ERC2: variants seen among roughly 807,000 people sequenced by gnomAD.
ERC2 encodes the protein ELKS/RAB6-interacting/CAST family member 2.
Under a neutral mutation model 114.8 loss-of-function variants are expected in ERC2, and 42 were observed. The ratio of observed to expected loss-of-function variants is 0.37; its 90% CI spans 0.29 to 0.47. The LOEUF (loss-of-function observed/expected upper bound fraction) is 0.47, where lower values mean the gene tolerates loss of function less well. Ranked by LOEUF, ERC2 falls within the 20% of genes least tolerant of loss-of-function variation. ERC2 has a pLI of 0.99. For synonymous variants in ERC2, 454 were observed against 425.5 expected, an observed-to-expected ratio of 1.07 and a Z score of -0.82; for missense variants, 939 against 1,150.7, an observed-to-expected ratio of 0.82 and a Z score of 2.66.
chr3:56,274,284 C>T (rs2053848941), intron 3 of ERC2, among the ~76,000 whole-genome samples: 1 of 152,138 alleles, frequency 6.6e-6, no homozygotes, highest in African/African-American at 2.4e-5. Context: ...GGTGAAACAG[C>T]TTCATCTTGA....
At chr3:55,681,998 G>C (rs2062078622) in intron 17 of ERC2, among the ~76,000 whole-genome samples, 1 of 123,868 alleles carries the variant, frequency 8.1e-6, no homozygotes, top group Non-Finnish European at 1.8e-5. Context: ...GCCCCAAGTA[G>C]GATCTACACT....
chr3:56,413,128 C>G (rs572408931), intron 2 of ERC2, among the ~76,000 whole-genome samples: 4 of 152,284 alleles, frequency 2.6e-5, no homozygotes, highest in Non-Finnish European at 4.4e-5. Context: ...GACAGGGTCA[C>G]TGTAGTGCAA....
intron 5 of ERC2, among the ~76,000 whole-genome samples, chr3:56,145,605 C>T (rs2081095589): frequency 6.6e-6 from 1 of 152,144 alleles, no homozygotes; most frequent in Non-Finnish European, 1.5e-5. Context: ...CCCAGAGGCT[C>T]AGTTCTCAGA....
chr3:56,421,751 C>T (rs1324057468), intron 2 of ERC2, among the ~76,000 whole-genome samples: 1 of 152,144 alleles, frequency 6.6e-6, no homozygotes, highest in East Asian at 1.9e-4. Context: ...CCCCGATTCC[C>T]GCTCCATGTG....
At chr3:55,567,867 C>G (rs1391573895) in intron 17 of ERC2, among the ~76,000 whole-genome samples, 2 of 152,062 alleles carry the variant, frequency 1.3e-5, no homozygotes, top group Non-Finnish European at 2.9e-5. Context: ...AATTTCCTTC[C>G]GGCCTTTTCT....
chr3:55,581,510 G>T (rs2057259728), intron 17 of ERC2, among the ~76,000 whole-genome samples: 1 of 152,070 alleles, frequency 6.6e-6, no homozygotes, highest in Admixed American at 6.5e-5. Flanking sequence ...AGAGTGGCAG[G>T]GTTTATGGAG....
At chr3:56,446,700 A>G (rs1469069558) in intron 1 of ERC2, among the ~76,000 whole-genome samples, 1 of 131,806 alleles carries the variant, frequency 7.6e-6, no homozygotes, top group Admixed American at 9.6e-5. Context: ...ATCTCGGCTC[A>G]CTGCACCCTC....
chr3:55,536,002 A>G (rs2053977875), intron 17 of ERC2, among the ~76,000 whole-genome samples: 1 of 152,158 alleles, frequency 6.6e-6, no homozygotes, highest in African/African-American at 2.4e-5. Flanking sequence ...TCCATCTCAA[A>G]AACAAAACAA....
chr3:56,348,956 GAAA>G (rs1560643242), intron 2 of ERC2, among the ~76,000 whole-genome samples: 5 of 134,432 alleles, frequency 3.7e-5, no homozygotes, highest in African/African-American at 5.9e-5. Flanking sequence ...AGGAAGGAAG[GAAA>G]GAAAGAAAGA....
chr3:55,567,541 C>T (rs761740927), intron 17 of ERC2, among the ~76,000 whole-genome samples: 5 of 151,938 alleles, frequency 3.3e-5, no homozygotes, highest in African/African-American at 1.2e-4. Context: ...ATAGAGACTA[C>T]GGTGGAAGCA....
intron 10 of ERC2, among the ~76,000 whole-genome samples, chr3:55,995,788 GT>G (rs2071459926): frequency 6.6e-6 from 1 of 152,170 alleles, no homozygotes; most frequent in African/African-American, 2.4e-5. Flanking sequence ...CAGCATGAAT[GT>G]GTTCTACCAT....
chr3:56,004,994 G>A (rs925451819), intron 10 of ERC2, among the ~76,000 whole-genome samples: 1 of 151,544 alleles, frequency 6.6e-6, no homozygotes, highest in African/African-American at 2.4e-5. Flanking sequence ...GGGTATTTGA[G>A]GTTTTTACGG....
intron 14 of ERC2, among the ~76,000 whole-genome samples, chr3:55,775,577 T>TAAAA (rs1172621457): frequency 1.4e-5 from 2 of 139,720 alleles, no homozygotes; most frequent in Non-Finnish European, 3.1e-5. Context: ...AATAAATAAA[T>TAAAA]AAATAAAAAA....
At chr3:55,767,934 G>A (rs558918944) in intron 14 of ERC2, among the ~76,000 whole-genome samples, 174 of 152,256 alleles carry the variant, frequency 1.1e-3, no homozygotes, top group Admixed American at 2.1e-3. Context: ...GTTGGAGGAG[G>A]GGCCTGGTGG....
At chr3:56,318,083 A>T (rs2056953288) in intron 2 of ERC2, among the ~76,000 whole-genome samples, 1 of 152,204 alleles carries the variant, frequency 6.6e-6, no homozygotes, top group South Asian at 2.1e-4. Context: ...GTGTTTAATA[A>T]ATGTTTTTTG....
chr3:55,835,005 A>G lies in ERC2; in HGVS notation c.2564+53384T>C, dbSNP rs2060805043. On this transcript the variant is annotated intron_variant, in intron 14 of 17. Coordinates refer to ENST00000288221, the MANE Select transcript of ERC2 (RefSeq NM_015576.3). ...AAATAAACTAGAAAATCTAGAAGAA[A>G]TGGATAAATTCCTCGACACATACAC... 2.0e-5 allele frequency among the ~76,000 whole-genome samples: 3 copies of G among 151,758 alleles called. 1 individual carries two copies. Among genetic ancestry groups the G allele is most frequent in the Admixed American group, 2.0e-4 (3 of 15,256 alleles).
chr3:56,039,103 G>A (rs2074981825), intron 7 of ERC2, among the ~76,000 whole-genome samples: 1 of 152,110 alleles, frequency 6.6e-6, no homozygotes, highest in East Asian at 1.9e-4. Context: ...CCACTCACCA[G>A]CCTAATTGCA....
At chr3:55,689,225 C>T (rs1251121782) in intron 16 of ERC2, among the ~76,000 whole-genome samples, 1 of 148,692 alleles carries the variant, frequency 6.7e-6, no homozygotes, top group East Asian at 2.0e-4. Flanking sequence ...TTTTCCTCCA[C>T]TTCTAATATA....
At chr3:55,806,852 T>C (rs1478438117) in intron 14 of ERC2, among the ~76,000 whole-genome samples, 2 of 152,160 alleles carry the variant, frequency 1.3e-5, no homozygotes, top group East Asian at 3.9e-4. Flanking sequence ...TCAGCTTCAG[T>C]GTGTTTATCT....
Sources: gnomAD v4.1 joint callset for allele counts (sites outside exome capture counted in the v4.1 genomes callset) on GRCh38, gnomAD v4.1.1 for gene constraint, MANE v1.5 for transcripts, NCBI Gene and HGNC (gene_info 2026-07-23, HGNC 2026-07-21) for gene names.